RGS17: variants seen among roughly 807,000 people sequenced by gnomAD.
RGS17 encodes regulator of G protein signaling 17, also known as regulator of G-protein signaling 17.
In RGS17, 12 loss-of-function variants were observed where a neutral mutation model predicts 25.5. The observed-to-expected ratio is 0.47, with a 90% CI of 0.30 to 0.76. RGS17 has a LOEUF of 0.76. RGS17 is among the 30% of genes least tolerant of loss of function. The pLI is 0.07. For missense variants in RGS17, 196 were observed against 242.2 expected (o/e 0.81, Z 1.27); for synonymous variants, 71 against 76.9 (o/e 0.92, Z 0.40).
chr6:153,069,042 T>A (rs1362213880), intron 1 of RGS17, among the ~76,000 whole-genome samples: 1 of 152,174 alleles, frequency 6.6e-6, no homozygotes, highest in Non-Finnish European at 1.5e-5. Flanking sequence ...GAGAAGAGTT[T>A]GGAGGTTCCT....
intron 1 of RGS17, among the ~76,000 whole-genome samples, chr6:153,129,579 C>T (rs1288321074): frequency 6.6e-6 from 1 of 152,168 alleles, no homozygotes; most frequent in Non-Finnish European, 1.5e-5. Context: ...GGGTTCATCA[C>T]CCGGAAAACC....
At chr6:153,060,154 C>T (rs572438600) in intron 1 of RGS17, among the ~76,000 whole-genome samples, 2 of 152,276 alleles carry the variant, frequency 1.3e-5, no homozygotes, top group East Asian at 1.9e-4. Context: ...CAGAAGGACA[C>T]GGAGTGTCCT....
At chr6:153,122,149 A>C (rs550819659) in intron 1 of RGS17, among the ~76,000 whole-genome samples, 1 of 152,024 alleles carries the variant, frequency 6.6e-6, no homozygotes, top group East Asian at 1.9e-4. Flanking sequence ...TTCTCATCTC[A>C]TTTGTGCCTC....
At chr6:153,096,422 T>C (rs1339423305) in intron 1 of RGS17, among the ~76,000 whole-genome samples, 1 of 152,222 alleles carries the variant, frequency 6.6e-6, no homozygotes, top group Non-Finnish European at 1.5e-5. Flanking sequence ...GCAAAGTGTT[T>C]ACTCCCGACT....
At chr6:153,125,228 T>A (rs908190771) in intron 1 of RGS17, among the ~76,000 whole-genome samples, 1 of 152,164 alleles carries the variant, frequency 6.6e-6, no homozygotes, top group African/African-American at 2.4e-5. Flanking sequence ...GATAAGGAAG[T>A]AAATATTTGC....
intron 1 of RGS17, among the ~76,000 whole-genome samples, chr6:153,111,787 T>A (rs937446712): frequency 6.6e-6 from 1 of 152,164 alleles, no homozygotes; most frequent in Non-Finnish European, 1.5e-5. Context: ...CTGCTGGTGA[T>A]ACCCAGGCAA....
At chr6:153,108,808 C>G (rs879451566) in intron 1 of RGS17, among the ~76,000 whole-genome samples, 6 of 151,166 alleles carry the variant, frequency 4.0e-5, no homozygotes, top group Non-Finnish European at 5.9e-5. Flanking sequence ...CAAGAGTGTG[C>G]ATGTGTGTGT....
At chr6:153,035,773 A>G (rs535583975) in intron 2 of RGS17, among the ~76,000 whole-genome samples, 24 of 152,190 alleles carry the variant, frequency 1.6e-4, no homozygotes, top group Non-Finnish European at 2.6e-4. Context: ...ACTTCTCTCA[A>G]AGCAAACCTT....
At chr6:153,129,510 A>G (rs1777753579) in intron 1 of RGS17, among the ~76,000 whole-genome samples, 2 of 152,230 alleles carry the variant, frequency 1.3e-5, no homozygotes, top group Non-Finnish European at 2.9e-5. Flanking sequence ...GGAAAGCATT[A>G]TTTTCCACTA....
intron 1 of RGS17, among the ~76,000 whole-genome samples, chr6:153,067,816 A>T (rs1776731631): frequency 6.6e-6 from 1 of 152,210 alleles, no homozygotes; most frequent in African/African-American, 2.4e-5. Flanking sequence ...CTATCTTAAA[A>T]TTTATATGGA....
At chr6:153,086,544 ATCT>A (rs1450383641) in intron 1 of RGS17, among the ~76,000 whole-genome samples, 2 of 152,230 alleles carry the variant, frequency 1.3e-5, no homozygotes, top group Non-Finnish European at 2.9e-5. Context: ...CAGAACAGGT[ATCT>A]TCTTTCGATT....
intron 1 of RGS17, among the ~76,000 whole-genome samples, chr6:153,071,057 G>C (rs567226986): frequency 2.7e-5 from 4 of 149,172 alleles, no homozygotes; most frequent in African/African-American, 7.4e-5. Flanking sequence ...ATGTGTATAC[G>C]CATATGTACA....
intron 1 of RGS17, among the ~76,000 whole-genome samples, chr6:153,105,782 A>C (rs1250921827): frequency 1.3e-5 from 2 of 152,178 alleles, no homozygotes; most frequent in African/African-American, 4.8e-5. Flanking sequence ...AAGGTGTCTG[A>C]GAGGTGGTGG....
chr6:153,031,351 T>C (rs141856131), intron 2 of RGS17, among the ~76,000 whole-genome samples: 173 of 152,338 alleles, frequency 1.1e-3, no homozygotes, highest in African/African-American at 3.7e-3. Flanking sequence ...GGCAAGTTGG[T>C]TGCATATTAA....
intron 1 of RGS17, among the ~76,000 whole-genome samples, chr6:153,063,109 G>T (rs1337634490): frequency 6.6e-6 from 1 of 152,150 alleles, no homozygotes; most frequent in African/African-American, 2.4e-5. Context: ...GTACAAAGGA[G>T]CCCAGGCAGT....
intron 1 of RGS17, among the ~76,000 whole-genome samples, chr6:153,123,906 T>C (rs1199890820): frequency 1.3e-5 from 2 of 152,200 alleles, no homozygotes; most frequent in African/African-American, 4.8e-5. Flanking sequence ...TTTTCTTTAT[T>C]TCAATGAGAA....
chr6:153,091,177 G>T (rs1461249863), intron 1 of RGS17, among the ~76,000 whole-genome samples: 1 of 152,118 alleles, frequency 6.6e-6, no homozygotes, highest in Admixed American at 6.6e-5. Flanking sequence ...ATGAACCTGG[G>T]ATAGATTCCC....
intron 1 of RGS17, among the ~76,000 whole-genome samples, chr6:153,092,916 GGACT>G (rs1392571379): frequency 1.3e-5 from 2 of 152,212 alleles, no homozygotes; most frequent in East Asian, 1.9e-4. Context: ...GGGGGGAAAT[GGACT>G]GACTAACTCC....
Position 153,011,612 on chromosome 6 carries a change from A to C in RGS17, c.595T>G (p.Phe199Val), listed in dbSNP as rs760749468. 6.2e-7 allele frequency: 1 copy of C among 1,611,234 alleles called. No individual in the cohort carries two copies. Among genetic ancestry groups the C allele is most frequent in the Admixed American group, 1.7e-5 (1 of 59,638 alleles). ...GAAGAGCCAGCAGTACTTTCAACAAATGACTTATAAATTTGAGAGTTCAAA... is the reference window on the plus strand; with the variant it reads ...GAAGAGCCAGCAGTACTTTCAACAACTGACTTATAAATTTGAGAGTTCAAA... ...RFLNSQIYKS[F>V]VESTAGSSSE... The change falls in exon 5 of 5, where the codon TTT (phenylalanine) becomes GTT (valine). Residue 199 changes from phenylalanine (F) to valine (V), a missense_variant. This residue lies in a region of RGS17 where 179 missense variants were observed against 197.6 expected (regional missense o/e 0.91). Transcript: ENST00000206262.
Sources: gnomAD v4.1 joint callset for allele counts (sites outside exome capture counted in the v4.1 genomes callset) on GRCh38, gnomAD v4.1.1 for gene constraint, gnomAD v4.1.1 regional missense constraint, MANE v1.5 for transcripts, NCBI Gene and HGNC (gene_info 2026-07-23, HGNC 2026-07-21) for gene names.